Variants in EPB41L5 observed in about 807,000 individuals in gnomAD.
EPB41L5 encodes band 4.1-like protein 5.
In EPB41L5, 55 loss-of-function variants were observed where a neutral mutation model predicts 106.6. The observed-to-expected ratio is 0.52, with a 90% CI of 0.42 to 0.65. EPB41L5 has a LOEUF of 0.65. Among genes scored for constraint, EPB41L5 ranks in the 30% least tolerant of loss-of-function variants. The pLI is 0.00. For synonymous variants in EPB41L5, 297 were observed against 306.7 expected, an observed-to-expected ratio of 0.97 and a Z score of 0.33; for missense variants, 871 against 882.1, an observed-to-expected ratio of 0.99 and a Z score of 0.16.
At chr2:120,097,171 A>G (rs1683812462) in intron 14 of EPB41L5, among the ~76,000 whole-genome samples, 1 of 152,226 alleles carries the variant, frequency 6.6e-6, no homozygotes, top group South Asian at 2.1e-4. Context: ...AAAACATAGC[A>G]GAAATGGTAT....
At chr2:120,039,025 C>T (rs1040892179) in intron 2 of EPB41L5, among the ~76,000 whole-genome samples, 19 of 152,076 alleles carry the variant, frequency 1.2e-4, no homozygotes, top group African/African-American at 3.9e-4. Context: ...TTTTGCAATA[C>T]GGATGAACCT....
At chr2:120,099,732 G>A (rs771779323) in intron 14 of EPB41L5, among the ~76,000 whole-genome samples, 1 of 152,064 alleles carries the variant, frequency 6.6e-6, no homozygotes, top group Non-Finnish European at 1.5e-5. Context: ...GGCCTAAACT[G>A]AAAATTTTAG....
At chr2:120,129,321 G>C (rs1478392287) in intron 17 of EPB41L5, among the ~76,000 whole-genome samples, 3 of 146,482 alleles carry the variant, frequency 2.0e-5, no homozygotes, top group African/African-American at 7.5e-5. Flanking sequence ...GGGCCACAGA[G>C]CAAGACTCTG....
At chr2:120,063,340 CAAAA>C (rs1174086865) in intron 3 of EPB41L5, among the ~76,000 whole-genome samples, 26 of 56,064 alleles carry the variant, frequency 4.6e-4, no homozygotes, top group African/African-American at 1.3e-3. Flanking sequence ...GACTTTGTCT[CAAAA>C]AAAAAAAAAA....
intron 22 of EPB41L5, among the ~76,000 whole-genome samples, chr2:120,166,148 G>A (rs1465334523): frequency 7.9e-5 from 12 of 152,074 alleles, no homozygotes; most frequent in Non-Finnish European, 4.4e-5. Context: ...TCCCTTGGAG[G>A]GGACGTTAAC....
At chr2:120,034,287 A>G (rs1473418854) in intron 2 of EPB41L5, among the ~76,000 whole-genome samples, 1 of 152,214 alleles carries the variant, frequency 6.6e-6, no homozygotes, top group African/African-American at 2.4e-5. Flanking sequence ...GTTGTATTTC[A>G]ATAGTCTAGC....
At chr2:120,138,099 C>A (rs191397623) in intron 18 of EPB41L5, among the ~76,000 whole-genome samples, 1 of 151,704 alleles carries the variant, frequency 6.6e-6, no homozygotes, top group Non-Finnish European at 1.5e-5. Flanking sequence ...GAATGAAGGA[C>A]AAAAACCATA....
Position 120,042,021 on chromosome 2 carries a change from C to T in EPB41L5, c.196C>T (p.Gln66Ter). ...GCCATTTCAGAAAAAAGCCAAAGGA[C>T]AAGAGTTGTTTGATCAGATTATGTA... ...SVDLPKKAKG[Q>*]ELFDQIMYHL... is the part of the protein sequence containing the mutation. The change falls in exon 3 of 25, where the codon CAA (glutamine) becomes TAA (stop). Residue 66 changes from glutamine to a stop codon, truncating the protein, a stop_gained. Coordinates refer to ENST00000263713, the MANE Select transcript of EPB41L5 (RefSeq NM_020909.4). LOFTEE classifies it high-confidence loss of function. The T allele has an allele frequency of 1.9e-6, 3 of 1,610,698 alleles. No individual in the cohort carries two copies. The highest frequency in any genetic ancestry group is 2.5e-6 in the Non-Finnish European group (3 of 1,178,184).
chr2:120,109,382 C>T (rs898620345), intron 16 of EPB41L5, among the ~76,000 whole-genome samples: 4 of 152,194 alleles, frequency 2.6e-5, no homozygotes, highest in Non-Finnish European at 4.4e-5. Flanking sequence ...AAACCACTTC[C>T]TCCCTTCCTA....
chr2:120,031,570 C>T (rs1467617757), intron 2 of EPB41L5, among the ~76,000 whole-genome samples: 2 of 152,088 alleles, frequency 1.3e-5, no homozygotes, highest in African/African-American at 4.8e-5. Flanking sequence ...TCAATAGCTA[C>T]AAGGTGAGAA....
At chr2:120,134,564 C>A (rs58452884) in intron 18 of EPB41L5, among the ~76,000 whole-genome samples, 1 of 152,166 alleles carries the variant, frequency 6.6e-6, no homozygotes, top group Non-Finnish European at 1.5e-5. Flanking sequence ...GTGCTTGTGT[C>A]GTTCCTCCCC....
At chr2:120,149,954 G>A (rs1686595116) in intron 20 of EPB41L5, among the ~76,000 whole-genome samples, 1 of 149,638 alleles carries the variant, frequency 6.7e-6, no homozygotes, top group Admixed American at 6.7e-5. Flanking sequence ...GAGTGCAGTG[G>A]CACAAGCACA....
intron 16 of EPB41L5, among the ~76,000 whole-genome samples, chr2:120,114,686 A>G (rs1684870717): frequency 6.6e-6 from 1 of 152,134 alleles, no homozygotes; most frequent in Admixed American, 6.5e-5. Context: ...GCAGATACAT[A>G]CTTTTGAAAA....
chr2:120,154,223 A>G (rs1416942475), intron 20 of EPB41L5, among the ~76,000 whole-genome samples: 4 of 151,832 alleles, frequency 2.6e-5, no homozygotes, highest in Non-Finnish European at 1.5e-5. Context: ...CAGTGGCACA[A>G]TCTTGGCTCA....
chr2:120,134,983 CAGAG>C lies in EPB41L5; in HGVS notation c.1599+3274_1599+3277del, dbSNP rs540516449. Among the ~76,000 whole-genome samples the C allele has an allele frequency of 1.2e-4, 18 of 152,108 alleles. No individual in the cohort carries two copies. In the South Asian group the frequency reaches 1.7e-3, roughly 14 times the overall value. On this transcript the variant is annotated intron_variant, in intron 18 of 24. Transcript: ENST00000263713. Reference sequence around the variant, plus strand: ...GCATCAGTGACCAATCCCAGATTGACAGAGAGAGATATGTGACCTTTCAGGCAGA... The same window carrying C: ...GCATCAGTGACCAATCCCAGATTGACAGAGATATGTGACCTTTCAGGCAGA...
chr2:120,110,079 G>A (rs1684651198), intron 16 of EPB41L5, among the ~76,000 whole-genome samples: 1 of 152,212 alleles, frequency 6.6e-6, no homozygotes, highest in African/African-American at 2.4e-5. Context: ...GCTCTGCCTT[G>A]AGTTAATAGT....
intron 3 of EPB41L5, among the ~76,000 whole-genome samples, chr2:120,045,626 A>T (rs111293230): frequency 1.3e-5 from 2 of 152,178 alleles, no homozygotes; most frequent in African/African-American, 4.8e-5. Flanking sequence ...TTTTATACCC[A>T]AAAGATCCCA....
At chr2:120,124,797 CTTT>C (rs1056742184) in intron 16 of EPB41L5, among the ~76,000 whole-genome samples, 1 of 151,596 alleles carries the variant, frequency 6.6e-6, no homozygotes, top group Non-Finnish European at 1.5e-5. Context: ...TAACGTTTGA[CTTT>C]TTTTTAAAGG....
At chr2:120,034,742 G>T (rs765757094) in intron 2 of EPB41L5, among the ~76,000 whole-genome samples, 8 of 152,032 alleles carry the variant, frequency 5.3e-5, no homozygotes, top group Non-Finnish European at 1.0e-4. Context: ...GTGCACACCT[G>T]TAGTCCCAGC....
Sources: allele counts gnomAD v4.1 joint callset (sites outside exome capture counted in the v4.1 genomes callset), GRCh38; gene constraint gnomAD v4.1.1; transcripts MANE v1.5; gene names NCBI Gene and HGNC (gene_info 2026-07-23, HGNC 2026-07-21).